Variants in SLC30A10 observed in about 807,000 individuals in gnomAD.
SLC30A10 encodes calcium/manganese antiporter SLC30A10.
Under a neutral mutation model 21.7 loss-of-function variants are expected in SLC30A10, and 8 were observed. That is an observed-to-expected ratio of 0.37 (90% CI 0.22 to 0.67). The LOEUF (loss-of-function observed/expected upper bound fraction) is 0.67. Ranked by LOEUF, SLC30A10 falls within the 30% of genes least tolerant of loss-of-function variation. The probability of loss-of-function intolerance (pLI) is 0.58; values close to 1 mark genes in which losing one functional copy is unlikely to be tolerated. For synonymous variants in SLC30A10, 272 were observed against 279.4 expected (o/e 0.97, Z 0.26); for missense variants, 521 against 642.5 (o/e 0.81, Z 2.04).
rs1052827678 is a variant in SLC30A10 at position 219,918,600 on chromosome 1, T to C, written c.719-106A>G. 6.9e-7 allele frequency: 1 copy of C among 1,452,834 alleles called. No individual in the cohort carries two copies. Among genetic ancestry groups the C allele is most frequent in the Non-Finnish European group, 9.1e-7 (1 of 1,095,508 alleles). 90.0% of individuals were successfully genotyped at this position (1,452,834 alleles called of 1,614,324 possible). A position where few individuals can be genotyped will look rare whatever the true frequency, so the allele number is the denominator to read the frequency against. ...ATGAATATCTGTTACCATTTGGAGTTTTTTGGTTTTTGTTTTGGTTAGAAC... is the reference window on the plus strand; with the variant it reads ...ATGAATATCTGTTACCATTTGGAGTCTTTTGGTTTTTGTTTTGGTTAGAAC... On this transcript the variant is annotated intron_variant, in intron 2 of 3. Coordinates refer to ENST00000366926, the MANE Select transcript of SLC30A10 (RefSeq NM_018713.3). This position sits in a 1 kb window ranked among gnomAD's most constrained non-coding sequence, Gnocchi z 4.4.
At chr1:219,930,411 T>G (rs1177081265), upstream of SLC30A10, among the ~76,000 whole-genome samples, 1 of 152,184 alleles carries the variant, frequency 6.6e-6, no homozygotes, top group Non-Finnish European at 1.5e-5. Context: ...AAGTCGAGAC[T>G]GCAGTGAGTC....
Position 219,918,542 on chromosome 1 carries a change from A to AAT in SLC30A10, c.719-49_719-48insAT. The stretch of plus-strand genomic sequence containing the variant: ...CAGCACAGATGCAAATCTGGAAGCC[A>AAT]CGTGACACTCACTGACTTGGGTGTC... On this transcript the variant is annotated intron_variant, in intron 2 of 3. Coordinates refer to ENST00000366926, the MANE Select transcript of SLC30A10 (RefSeq NM_018713.3). The surrounding 1 kb of genome is among the most constrained non-coding windows in gnomAD (Gnocchi z 4.4). The AAT allele has an allele frequency of 1.3e-6, 2 of 1,528,406 alleles. No homozygotes were observed. The highest frequency in any genetic ancestry group is 4.2e-5 in the Admixed American group (2 of 47,592). 94.7% of individuals were successfully genotyped at this position (1,528,406 alleles called of 1,614,324 possible).
chr1:219,918,373 G>T lies in SLC30A10; in HGVS notation c.840C>A (p.Asp280Glu). The T allele has an allele frequency of 6.2e-7, 1 of 1,614,122 alleles. No homozygotes were observed. Among genetic ancestry groups the T allele is most frequent in the Non-Finnish European group, 8.5e-7 (1 of 1,180,032 alleles). The change falls in exon 3 of 4, where the codon GAC (aspartate) becomes GAA (glutamate). Residue 280 changes from aspartate (D) to glutamate (E), a missense_variant. Asp to Glu is a conservative substitution (Grantham distance 45, BLOSUM62 2). Transcript: ENST00000366926. This position sits in a 1 kb window ranked among gnomAD's most constrained non-coding sequence, Gnocchi z 4.4. ...EDPCNWQCYI[D>E]PSLTVLMVII... ...TGACCATGAGGACAGTCAGGCTGGG[G>T]TCAATGTAACACTGCCAGTTACACG... is the stretch of plus-strand genomic sequence containing the variant.
rs17006873 is a variant in SLC30A10 at position 219,934,612 on chromosome 1, C to T, written n.81-7507G>A. ...ACACCAGGATGATGCCTTTTTTTCT[C>T]GAAGTATTTCAGAATGCATTAAATT... is the stretch of plus-strand genomic sequence containing the variant. On this transcript the variant is annotated intron_variant and non_coding_transcript_variant, in intron 1 of 8. Coordinates refer to the SLC30A10 transcript ENST00000484239. 7.8e-3 allele frequency among the ~76,000 whole-genome samples: 1,182 copies of T among 151,956 alleles called. 11 individuals carry two copies. Among genetic ancestry groups the T allele is most frequent in the African/African-American group, 0.028 (1,149 of 41,458 alleles).
Position 219,914,398 on chromosome 1 carries a change from C to T in SLC30A10, c.*1051G>A, listed in dbSNP as rs1659483782. Reference sequence around the variant, plus strand: ...AGCAATTAAGCTAATTCTCATTTCTCCCTTGGGCATCAACTTTTTCATTGA... The same window carrying T: ...AGCAATTAAGCTAATTCTCATTTCTTCCTTGGGCATCAACTTTTTCATTGA... On this transcript the variant is annotated 3_prime_UTR_variant, in exon 4 of 4. Transcript: ENST00000366926. 6.6e-6 allele frequency: 1 copy of T among 152,144 alleles called. No homozygotes were observed. The highest frequency in any genetic ancestry group is 6.5e-5 in the Admixed American group (1 of 15,272). 9.4% of individuals were successfully genotyped at this position (152,144 alleles called of 1,614,324 possible).
At chr1:219,916,024 T>G (rs1659533643) in intron 3 of SLC30A10, 76 bp from the exon 4 acceptor site, 1 of 1,529,750 alleles carries the variant, frequency 6.5e-7, no homozygotes, top group African/African-American at 1.4e-5. Context: ...GGGATATGGT[T>G]CCGTTAAGCA....
rs139793879 is a variant in SLC30A10, at chr1:219,941,157, C to A, written n.81-14052G>T. On this transcript the variant is annotated intron_variant and non_coding_transcript_variant, in intron 1 of 8. Transcript: ENST00000484239. ...AGAAGGAAATAAAACACGAGAAGCACGTTCCAAACTTCAGAATGAGACATT... is the reference window on the plus strand; with the variant it reads ...AGAAGGAAATAAAACACGAGAAGCAAGTTCCAAACTTCAGAATGAGACATT... Among the ~76,000 whole-genome samples the A allele has an allele frequency of 7.5e-3, 1,141 of 152,314 alleles. 9 individuals carry two copies. Among genetic ancestry groups the A allele is most frequent in the African/African-American group, 0.025 (1,027 of 41,574 alleles).
intron 1 of SLC30A10, among the ~76,000 whole-genome samples, chr1:219,953,148 A>C (rs1269692532): frequency 6.6e-6 from 1 of 152,236 alleles, no homozygotes; most frequent in Admixed American, 6.5e-5. Context: ...AGATATAGAC[A>C]AAATGCAAAG....
intron 1 of SLC30A10, among the ~76,000 whole-genome samples, chr1:219,942,075 A>G (rs902863178): frequency 9.9e-5 from 15 of 152,212 alleles, no homozygotes; most frequent in African/African-American, 1.2e-4. Context: ...GGTTTATAGT[A>G]AGTGCTAAAT....
intron 2 of SLC30A10, 138 bp downstream of exon 2, chr1:219,926,890 A>C: frequency 3.1e-6 from 2 of 648,252 alleles, no homozygotes. Context: ...TACGAAAGAG[A>C]GTTGGGTCAT....
At chr1:219,950,723 G>T (rs1454126146) in intron 1 of SLC30A10, among the ~76,000 whole-genome samples, 1 of 151,634 alleles carries the variant, frequency 6.6e-6, no homozygotes, top group Admixed American at 6.6e-5. Flanking sequence ...GCCGAGACAG[G>T]TGGATCACCT....
At chr1:219,925,039 A>T (rs1409965680) in intron 2 of SLC30A10, among the ~76,000 whole-genome samples, 1 of 152,204 alleles carries the variant, frequency 6.6e-6, no homozygotes, top group Non-Finnish European at 1.5e-5. Flanking sequence ...CAGTCCCTGT[A>T]AACCAAAGGC....
upstream of SLC30A10, chr1:219,958,773 A>G (rs1184932649): frequency 2.0e-5 from 3 of 152,692 alleles, no homozygotes; most frequent in Admixed American, 2.0e-4. Context: ...TGGTGTTCCC[A>G]AATGCTCCCA....
intron 1 of SLC30A10, 123 bp downstream of exon 1, chr1:219,927,678 C>CA (rs111682715): frequency 0.01 from 3,315 of 315,840 alleles, 55 homozygotes; most frequent in African/African-American, 0.059. Context: ...ACAACAACAA[C>CA]AAAAAAAAAA....
In SLC30A10 at chr1:219,911,712, A is replaced by G. The variant is rs538781275; in HGVS notation, c.*3737T>C. Among the ~76,000 whole-genome samples the G allele has an allele frequency of 1.8e-4, 27 of 152,308 alleles. No individual in the cohort carries two copies. The highest frequency in any genetic ancestry group is 5.5e-4 in the African/African-American group (23 of 41,554). On this transcript the variant is annotated 3_prime_UTR_variant, in exon 4 of 4. Coordinates refer to ENST00000366926, the MANE Select transcript of SLC30A10 (RefSeq NM_018713.3). ...TGCCTTTAAAAATATGTTTTTAAAG[A>G]GCAAATTCTGCAGAATTAATTATTA...
At chr1:219,920,744 T>G (rs1276472573) in intron 2 of SLC30A10, among the ~76,000 whole-genome samples, 1 of 152,134 alleles carries the variant, frequency 6.6e-6, no homozygotes, top group Non-Finnish European at 1.5e-5. Flanking sequence ...TAATGCAAAA[T>G]CTAAGCTGTT....
intron 2 of SLC30A10, among the ~76,000 whole-genome samples, chr1:219,920,326 G>A (rs903994507): frequency 6.6e-5 from 10 of 152,080 alleles, no homozygotes; most frequent in South Asian, 2.1e-4. Flanking sequence ...GCTAAGAATC[G>A]AAGCTTTAAC....
chr1:219,954,700 A>T (rs1418323125), intron 1 of SLC30A10, among the ~76,000 whole-genome samples: 1 of 151,862 alleles, frequency 6.6e-6, no homozygotes, highest in Non-Finnish European at 1.5e-5. Context: ...AAAAAAAAAA[A>T]AAAACTTAAA....
chr1:219,921,600 T>C (rs1659676963), intron 2 of SLC30A10, among the ~76,000 whole-genome samples: 1 of 152,130 alleles, frequency 6.6e-6, no homozygotes. Context: ...TTGCAACAAA[T>C]AATTCATGGG....
Sources: allele counts gnomAD v4.1 joint callset (sites outside exome capture counted in the v4.1 genomes callset), GRCh38; gene constraint gnomAD v4.1.1; non-coding constraint Gnocchi (gnomAD v3.1); transcripts MANE v1.5; gene names NCBI Gene and HGNC (gene_info 2026-07-23, HGNC 2026-07-21).